The following SRRM3 variants were observed in gnomAD, a reference collection of about 807,000 sequenced individuals.
SRRM3 encodes serine/arginine repetitive matrix 3.
A neutral mutation model predicts 66.2 loss-of-function variants in SRRM3; 27 were observed. The ratio of observed to expected loss-of-function variants is 0.41; its 90% CI spans 0.30 to 0.56. The LOEUF is 0.56. SRRM3 is among the 20% of genes least tolerant of loss of function. The pLI is 0.32. For missense variants in SRRM3, 918 were observed against 991.9 expected (o/e 0.93, Z 1.00); for synonymous variants, 391 against 414.9 (o/e 0.94, Z 0.70).
At position 76,225,141 on chromosome 7, in the gene SRRM3, G is replaced by A. The variant is rs1380027828; in HGVS notation, c.-39-9887G>A. On this transcript the variant is annotated intron_variant, in intron 1 of 14. Transcript: ENST00000611745. Reference sequence around the variant, plus strand: ...TTTACAGATGAGGAAACTGAGGCTCGGAGAAGTTTAATGACTTTTCCTGAT... The same window carrying A: ...TTTACAGATGAGGAAACTGAGGCTCAGAGAAGTTTAATGACTTTTCCTGAT... Among the ~76,000 whole-genome samples, 5 of 152,082 alleles carry A rather than the reference G, an allele frequency of 3.3e-5. 1 individual carries two copies. The highest frequency in any genetic ancestry group is 1.9e-4 in the East Asian group (1 of 5,192).
At chr7:76,211,019 G>A (rs542337567) in intron 1 of SRRM3, among the ~76,000 whole-genome samples, 1 of 152,126 alleles carries the variant, frequency 6.6e-6, no homozygotes, top group South Asian at 2.1e-4. Context: ...TCAACATATT[G>A]GGTAGGCTGG....
intron 1 of SRRM3, among the ~76,000 whole-genome samples, chr7:76,228,879 T>G (rs1401703100): frequency 6.7e-6 from 1 of 150,320 alleles, no homozygotes; most frequent in Admixed American, 6.7e-5. Context: ...CTGGGGGACG[T>G]GAGCAATTTC....
At chr7:76,252,919 T>G (rs1554607088) in intron 3 of SRRM3, among the ~76,000 whole-genome samples, 1 of 152,026 alleles carries the variant, frequency 6.6e-6, no homozygotes, top group Non-Finnish European at 1.5e-5. Flanking sequence ...ATCCCAGCAC[T>G]TTGGGAGGCC....
intron 1 of SRRM3, among the ~76,000 whole-genome samples, chr7:76,207,331 A>G (rs1554601267): frequency 6.6e-6 from 1 of 151,990 alleles, no homozygotes; most frequent in African/African-American, 2.4e-5. Flanking sequence ...AAAGAGAGAG[A>G]GAGAGAGAAT....
chr7:76,250,678 T>C (rs900154332), intron 3 of SRRM3, among the ~76,000 whole-genome samples: 1 of 152,190 alleles, frequency 6.6e-6, no homozygotes, highest in Non-Finnish European at 1.5e-5. Flanking sequence ...CTCATCTCTC[T>C]GGCCAGAGTA....
At chr7:76,259,743 C>A (rs60576079) in intron 3 of SRRM3, among the ~76,000 whole-genome samples, 163 bp from the exon 4 acceptor site, 35,171 of 152,092 alleles carry the variant, frequency 0.23, 4,355 homozygotes, top group East Asian at 0.45. Flanking sequence ...CCCCAAATCT[C>A]TGCCTAGCCC....
intron 11 of SRRM3, chr7:76,269,132 A>C (rs1418343822): frequency 6.6e-6 from 1 of 152,362 alleles, no homozygotes; most frequent in East Asian, 1.9e-4. Flanking sequence ...TCCCCAGGAT[A>C]GGGCAGTCGG....
Position 76,208,836 on chromosome 7 carries a change from GA to G in SRRM3, c.-40+6779del, listed in dbSNP as rs200421800. Reference sequence around the variant, plus strand: ...AGTGAGTGTAGAGCAAGAAGACCCTGAAAAAAAAAAGAAAGAAAAAAGAAAG... The same window carrying G: ...AGTGAGTGTAGAGCAAGAAGACCCTGAAAAAAAAAGAAAGAAAAAAGAAAG... On this transcript the variant is annotated intron_variant, in intron 1 of 14. Coordinates refer to ENST00000611745, the MANE Select transcript of SRRM3 (RefSeq NM_001110199.3). Among the ~76,000 whole-genome samples, 58 of 93,698 alleles carry G rather than the reference GA, an allele frequency of 6.2e-4. 1 individual carries two copies. Among genetic ancestry groups the G allele is most frequent in the Admixed American group, 2.4e-3 (16 of 6,694 alleles). 61.5% of individuals were successfully genotyped at this position (93,698 alleles called of 152,430 possible). A position where few individuals can be genotyped will look rare whatever the true frequency, so the allele number is the denominator to read the frequency against.
chr7:76,269,025 C>T (rs546573620), intron 11 of SRRM3: 3 of 152,356 alleles, frequency 2.0e-5, no homozygotes, highest in Admixed American at 6.5e-5. Flanking sequence ...TGGGTCCCTT[C>T]GTACCTCTGG....
intron 1 of SRRM3, among the ~76,000 whole-genome samples, chr7:76,220,197 C>T (rs1344406480): frequency 6.6e-6 from 1 of 152,224 alleles, no homozygotes; most frequent in African/African-American, 2.4e-5. Context: ...TTGGCCCAGT[C>T]TCTGCCCTTG....
chr7:76,237,001 G>A (rs1470402091), intron 2 of SRRM3, among the ~76,000 whole-genome samples: 2 of 152,110 alleles, frequency 1.3e-5, no homozygotes, highest in Admixed American at 6.5e-5. Context: ...GGCTGTACCA[G>A]CTCACGTGGC....
chr7:76,217,664 C>T (rs1800603087), intron 1 of SRRM3, among the ~76,000 whole-genome samples: 2 of 152,186 alleles, frequency 1.3e-5, no homozygotes, highest in Admixed American at 1.3e-4. Flanking sequence ...CCACTGCTTA[C>T]AGGCTGGCAC....
intron 1 of SRRM3, among the ~76,000 whole-genome samples, chr7:76,215,275 G>A (rs937736453): frequency 2.9e-4 from 42 of 146,566 alleles, no homozygotes; most frequent in Non-Finnish European, 5.2e-4. Context: ...TGGGAAGAGA[G>A]AAAAAAAAAG....
At chr7:76,242,983 AAT>A in intron 2 of SRRM3, among the ~76,000 whole-genome samples, 1 of 152,302 alleles carries the variant, frequency 6.6e-6, no homozygotes, top group East Asian at 1.9e-4. Flanking sequence ...CAACCTCTGT[AAT>A]AGAGTGAGAA....
At chr7:76,267,594 C>A in intron 11 of SRRM3, 159 bp downstream of exon 11, 1 of 621,150 alleles carries the variant, frequency 1.6e-6, no homozygotes, top group Non-Finnish European at 2.3e-6. Context: ...GGCGTCCTGG[C>A]TCGGGAGCCG....
At chr7:76,283,142 G>T in intron 14 of SRRM3, 41 bp downstream of exon 14, 1 of 1,368,444 alleles carries the variant, frequency 7.3e-7, no homozygotes, top group Non-Finnish European at 9.4e-7. Context: ...CAGGGCTGGG[G>T]CCGCTGACCC....
rs1554612118 is a variant in SRRM3, at chr7:76,282,650, C to T, written c.1373C>T (p.Ala458Val). 2.9e-6 allele frequency: 4 copies of T among 1,368,856 alleles called. No homozygotes were observed. The highest frequency in any genetic ancestry group is 3.1e-5 in the African/African-American group (2 of 64,548). 84.8% of individuals were successfully genotyped at this position (1,368,856 alleles called of 1,614,324 possible). The change falls in exon 13 of 15, where the codon GCC becomes GTC. Residue 458 changes from alanine (A) to valine (V), a missense_variant and splice_region_variant. Coordinates refer to ENST00000611745, the MANE Select transcript of SRRM3 (RefSeq NM_001110199.3). ...ERGHGGHGKR[A>V]KERPPRARPA... ...CCCGCGCCGTCTCCCTCCTCCAGGG[C>T]CAAGGAGCGGCCCCCGCGCGCGCGG...
chr7:76,264,179 T>C (rs1801953256), intron 8 of SRRM3, among the ~76,000 whole-genome samples: 1 of 150,968 alleles, frequency 6.6e-6, no homozygotes, highest in Non-Finnish European at 1.5e-5. Flanking sequence ...TTTTTTTTTT[T>C]TTCCTGAGAC....
At chr7:76,273,807 A>G (rs1256467397) in intron 11 of SRRM3, among the ~76,000 whole-genome samples, 1 of 151,828 alleles carries the variant, frequency 6.6e-6, no homozygotes, top group East Asian at 1.9e-4. Flanking sequence ...CTGGTTTGTC[A>G]TTTGGTTTTC....
Sources: gnomAD v4.1 joint callset for allele counts (sites outside exome capture counted in the v4.1 genomes callset) on GRCh38, gnomAD v4.1.1 for gene constraint, MANE v1.5 for transcripts, NCBI Gene and HGNC (gene_info 2026-07-23, HGNC 2026-07-21) for gene names.